The following FHOD3 variants were observed in gnomAD, a reference collection of about 807,000 sequenced individuals.
The protein encoded by FHOD3 is formin homology 2 domain containing 3, also known as FH1/FH2 domain-containing protein 3.
In FHOD3, 90 loss-of-function variants were observed where a neutral mutation model predicts 173.0. That is an observed-to-expected ratio of 0.52 (90% CI 0.44 to 0.62). The LOEUF is 0.62. FHOD3 is among the 20% of genes least tolerant of loss of function. The pLI, the probability that FHOD3 is intolerant of heterozygous loss-of-function variation, is 0.00. For synonymous variants in FHOD3, 828 were observed against 823.0 expected (o/e 1.01, Z -0.10); for missense variants, 1,945 against 2,034.7 (o/e 0.96, Z 0.85).
chr18:36,706,615 C>G (rs1007685611), intron 17 of FHOD3, among the ~76,000 whole-genome samples: 2 of 152,196 alleles, frequency 1.3e-5, no homozygotes, highest in African/African-American at 4.8e-5. Flanking sequence ...TGGAATGGAA[C>G]ATGGCAGTGC....
At chr18:36,620,263 A>G (rs1463444830) in intron 9 of FHOD3, among the ~76,000 whole-genome samples, 3 of 152,160 alleles carry the variant, frequency 2.0e-5, no homozygotes, top group African/African-American at 2.4e-5. Context: ...TTGAACATGA[A>G]AGGCAGGTTC....
At chr18:36,550,264 A>ATATATATATATG (rs2057594415) in intron 5 of FHOD3, among the ~76,000 whole-genome samples, 1 of 147,738 alleles carries the variant, frequency 6.8e-6, no homozygotes, top group African/African-American at 2.5e-5. Context: ...ATATATATAT[A>ATATATATATATG]TATGGGTCTG....
chr18:36,418,440 T>C (rs1219888112), intron 3 of FHOD3, among the ~76,000 whole-genome samples: 1 of 152,206 alleles, frequency 6.6e-6, no homozygotes, highest in Non-Finnish European at 1.5e-5. Flanking sequence ...CACGTTAGTT[T>C]GAAAGCTTTG....
At chr18:36,634,831 G>A (rs531087031) in intron 10 of FHOD3, among the ~76,000 whole-genome samples, 8 of 152,178 alleles carry the variant, frequency 5.3e-5, no homozygotes, top group Non-Finnish European at 1.2e-4. Context: ...CTCTGTTAAG[G>A]TAATTGTTAA....
intron 16 of FHOD3, among the ~76,000 whole-genome samples, chr18:36,690,777 T>C (rs770821276): frequency 2.5e-4 from 38 of 152,178 alleles, no homozygotes; most frequent in Admixed American, 1.6e-3. Flanking sequence ...TCACATGAAA[T>C]TGACCATCTT....
chr18:36,372,599 G>A, intron 2 of FHOD3, 81 bp from the exon 3 acceptor site: 1 of 1,202,592 alleles, frequency 8.3e-7, no homozygotes, highest in Non-Finnish European at 1.2e-6. Flanking sequence ...GGGTATGTCA[G>A]AACCTTCACG....
At chr18:36,451,245 A>G (rs2051825008) in intron 3 of FHOD3, among the ~76,000 whole-genome samples, 1 of 152,244 alleles carries the variant, frequency 6.6e-6, no homozygotes, top group African/African-American at 2.4e-5. Flanking sequence ...GGTGGTCATC[A>G]CTAATTGTAA....
At chr18:36,642,090 G>C (rs1036552874) in intron 10 of FHOD3, among the ~76,000 whole-genome samples, 12 of 151,988 alleles carry the variant, frequency 7.9e-5, no homozygotes, top group Non-Finnish European at 1.5e-4. Flanking sequence ...TAAATGATGA[G>C]AACACATGGA....
intron 14 of FHOD3, among the ~76,000 whole-genome samples, chr18:36,668,686 C>A (rs1401673047): frequency 6.6e-6 from 1 of 151,882 alleles, no homozygotes; most frequent in Non-Finnish European, 1.5e-5. Context: ...GTGTTTTTAT[C>A]TTCTCTTAAT....
At chr18:36,765,215 A>G (rs2043089807) in intron 27 of FHOD3, among the ~76,000 whole-genome samples, 1 of 152,232 alleles carries the variant, frequency 6.6e-6, no homozygotes, top group South Asian at 2.1e-4. Context: ...GGAGACAAAG[A>G]TAGGCTAGAG....
At chr18:36,349,106 G>A (rs1356488559) in intron 1 of FHOD3, among the ~76,000 whole-genome samples, 1 of 152,210 alleles carries the variant, frequency 6.6e-6, no homozygotes, top group African/African-American at 2.4e-5. Flanking sequence ...TGTCTATCAT[G>A]TGGGTCATCT....
At chr18:36,487,711 C>T (rs1315270652) in intron 3 of FHOD3, among the ~76,000 whole-genome samples, 1 of 152,116 alleles carries the variant, frequency 6.6e-6, no homozygotes, top group African/African-American at 2.4e-5. Flanking sequence ...TTGGACTCAC[C>T]CAGCTGTCAC....
intron 3 of FHOD3, among the ~76,000 whole-genome samples, chr18:36,398,226 C>A (rs549753681): frequency 8.1e-4 from 124 of 152,282 alleles, no homozygotes; most frequent in African/African-American, 2.7e-3. Flanking sequence ...TGCTGTTCTG[C>A]AAATGAAAAC....
At chr18:36,628,652 A>G (rs1479255265) in intron 10 of FHOD3, among the ~76,000 whole-genome samples, 1 of 152,232 alleles carries the variant, frequency 6.6e-6, no homozygotes, top group African/African-American at 2.4e-5. Flanking sequence ...TTATGGGACC[A>G]TGTGTGTCAT....
At chr18:36,455,578 A>C (rs1026691972) in intron 3 of FHOD3, among the ~76,000 whole-genome samples, 11 of 39,928 alleles carry the variant, frequency 2.8e-4, no homozygotes, top group Non-Finnish European at 1.2e-4. Flanking sequence ...CCTTTAATTA[A>C]AAAAAAAAAA....
intron 1 of FHOD3, among the ~76,000 whole-genome samples, chr18:36,307,934 A>G (rs1259880003): frequency 6.6e-6 from 1 of 152,234 alleles, no homozygotes; most frequent in African/African-American, 2.4e-5. Flanking sequence ...TCATAATAAT[A>G]TCTGAATACT....
At chr18:36,336,994 G>A (rs767723542) in intron 1 of FHOD3, among the ~76,000 whole-genome samples, 46 of 151,648 alleles carry the variant, frequency 3.0e-4, no homozygotes, top group Admixed American at 5.3e-4. Context: ...CCAACATGGC[G>A]AAACCTCATC....
chr18:36,704,221 A>G (rs2039744687), intron 17 of FHOD3, among the ~76,000 whole-genome samples: 1 of 152,210 alleles, frequency 6.6e-6, no homozygotes, highest in Non-Finnish European at 1.5e-5. Flanking sequence ...GAGCCAGGTC[A>G]GTGCAGGCTC....
intron 5 of FHOD3, among the ~76,000 whole-genome samples, chr18:36,518,095 T>G (rs1475599064): frequency 6.6e-6 from 1 of 152,220 alleles, no homozygotes; most frequent in Non-Finnish European, 1.5e-5. Context: ...AAGTTTATAT[T>G]TTGGCACTTT....
Sources: gnomAD v4.1 joint callset for allele counts (sites outside exome capture counted in the v4.1 genomes callset) on GRCh38, gnomAD v4.1.1 for gene constraint, MANE v1.5 for transcripts, NCBI Gene and HGNC (gene_info 2026-07-23, HGNC 2026-07-21) for gene names.